DCAF13: variants seen among roughly 807,000 people sequenced by gnomAD.
DCAF13 encodes DDB1 and CUL4 associated factor 13.
DCAF13 carries 38 observed loss-of-function variants against 59.0 expected under a neutral mutation model. That is an observed-to-expected ratio of 0.64 (90% confidence interval 0.50 to 0.84). The LOEUF (loss-of-function observed/expected upper bound fraction) is 0.84, where lower values mean the gene tolerates loss of function less well. Ranked by LOEUF, DCAF13 falls within the 40% of genes least tolerant of loss-of-function variation. The pLI, the probability that DCAF13 is intolerant of heterozygous loss-of-function variation, is 0.00. For synonymous variants in DCAF13, 173 were observed against 175.0 expected, an observed-to-expected ratio of 0.99 and a Z score of 0.09; for missense variants, 469 against 558.4, an observed-to-expected ratio of 0.84 and a Z score of 1.61.
In DCAF13 at chr8:103,420,347, C is replaced by G. The variant is rs774270409; in HGVS notation, c.154C>G (p.Arg52Gly). 1.2e-6 allele frequency: 2 copies of G among 1,614,134 alleles called. No individual in the cohort carries two copies. Reference sequence around the variant, plus strand: ...AGCTTTAAATGCTACCAAACTGGAACGAGTATTTGCAAAACCATTCCTTGC... The same window carrying G: ...AGCTTTAAATGCTACCAAACTGGAAGGAGTATTTGCAAAACCATTCCTTGC... The part of the protein sequence containing the change: ...IRALNATKLE[R>G]VFAKPFLASL... The change falls in exon 2 of 11, where the codon CGA becomes GGA. Residue 52 changes from arginine (R) to glycine (G), a missense_variant. This residue lies in a region of DCAF13 where 355 missense variants were observed against 399.1 expected (regional missense o/e 0.89). Transcript: ENST00000612750.
intron 3 of DCAF13, among the ~76,000 whole-genome samples, chr8:103,424,311 G>A (rs1313228020): frequency 6.6e-6 from 1 of 152,248 alleles, no homozygotes; most frequent in Non-Finnish European, 1.5e-5. Context: ...ACAGGCGCGA[G>A]CCGCCATGCC....
intron 3 of DCAF13, among the ~76,000 whole-genome samples, chr8:103,423,573 CAA>C (rs1463302592): frequency 1.3e-5 from 2 of 152,008 alleles, no homozygotes; most frequent in Non-Finnish European, 2.9e-5. Flanking sequence ...TCAAAAGAGA[CAA>C]AATTTCAAAT....
At position 103,430,760 on chromosome 8, in the gene DCAF13, C is replaced by A. The variant is rs556474447; in HGVS notation, c.702+71C>A. The A allele has an allele frequency of 7.7e-6, 8 of 1,038,454 alleles. No individual in the cohort carries two copies. In the South Asian group the frequency reaches 9.5e-5, roughly 12 times the overall value. The allele number at this position is 1,038,454 out of a possible 1,614,324, so 64.3% of individuals were successfully genotyped here. Reference sequence around the variant, plus strand: ...ATTTCTCTGTAAATAGAGTGACTAACAATATGGAGCAAATATTTTCTCAGA... The same window carrying A: ...ATTTCTCTGTAAATAGAGTGACTAAAAATATGGAGCAAATATTTTCTCAGA... On this transcript the variant is annotated intron_variant, in intron 6 of 10. Coordinates refer to ENST00000612750, the MANE Select transcript of DCAF13 (RefSeq NM_015420.7).
intron 3 of DCAF13, among the ~76,000 whole-genome samples, chr8:103,422,658 A>T (rs951909062): frequency 6.6e-6 from 1 of 152,222 alleles, no homozygotes; most frequent in South Asian, 2.1e-4. Context: ...TTCTAACACT[A>T]TTAGTTTGGT....
intron 6 of DCAF13, 67 bp downstream of exon 6, chr8:103,430,756 C>A: frequency 8.9e-7 from 1 of 1,127,172 alleles, no homozygotes; most frequent in South Asian, 1.5e-5. Context: ...AATAGAGTGA[C>A]TAACAATATG....
intron 8 of DCAF13, 95 bp from the exon 9 acceptor site, chr8:103,440,041 G>A (rs887452241): frequency 2.1e-5 from 21 of 1,008,788 alleles, no homozygotes; most frequent in Admixed American, 1.1e-4. Context: ...TACTCCTATA[G>A]GACTCAGAAA....
chr8:103,438,616 G>T (rs1816964624), intron 8 of DCAF13, among the ~76,000 whole-genome samples: 1 of 151,938 alleles, frequency 6.6e-6, no homozygotes, highest in Non-Finnish European at 1.5e-5. Flanking sequence ...TGTTACTCAG[G>T]CTGGTCTCAA....
At chr8:103,441,337 C>T in intron 9 of DCAF13, 118 bp from the exon 10 acceptor site, 1 of 843,650 alleles carries the variant, frequency 1.2e-6, no homozygotes. Flanking sequence ...ATTACATTGG[C>T]AATTTTGGTT....
At chr8:103,424,627 A>G (rs1816766037) in intron 3 of DCAF13, among the ~76,000 whole-genome samples, 1 of 152,236 alleles carries the variant, frequency 6.6e-6, no homozygotes, top group African/African-American at 2.4e-5. Context: ...GTTTGTACTC[A>G]GTAGACGGCA....
At chr8:103,421,132 T>C in intron 3 of DCAF13, 50 bp downstream of exon 3, 1 of 1,225,576 alleles carries the variant, frequency 8.2e-7, no homozygotes, top group Non-Finnish European at 1.2e-6. Context: ...TAGGTAAGAA[T>C]AATCTAATTG....
Position 103,430,553 on chromosome 8 carries a change from TGGA to T in DCAF13, c.625-58_625-56del. On this transcript the variant is annotated intron_variant, in intron 5 of 10. Transcript: ENST00000612750. ...GCAATTAAATCATTTGTTTACTGAA[TGGA>T]TGTGGTTTGCTGCCAGGTCTGGCTT... 5 of 1,123,452 alleles carry T rather than the reference TGGA, an allele frequency of 4.5e-6. No individual in the cohort carries two copies. In the Admixed American group the frequency reaches 1.0e-4, roughly 23 times the overall value. The allele number at this position is 1,123,452 out of a possible 1,614,324, so 69.6% of individuals were successfully genotyped here.
At chr8:103,417,716 G>C (rs1383682334) in intron 1 of DCAF13, among the ~76,000 whole-genome samples, 1 of 151,616 alleles carries the variant, frequency 6.6e-6, no homozygotes, top group Non-Finnish European at 1.5e-5. Context: ...GAAGGGATCT[G>C]CTCAAAAACT....
At chr8:103,439,508 C>T (rs1220843447) in intron 8 of DCAF13, 3 of 151,484 alleles carry the variant, frequency 2.0e-5, no homozygotes, top group African/African-American at 4.9e-5. Flanking sequence ...CCTGCCTCAG[C>T]CTCCCTAGTA....
intron 1 of DCAF13, among the ~76,000 whole-genome samples, chr8:103,418,122 C>T (rs1816651231): frequency 1.3e-5 from 2 of 148,636 alleles, no homozygotes; most frequent in South Asian, 2.1e-4. Context: ...AGCAAGACTC[C>T]GTCTCAAAAA....
chr8:103,420,946 CT>C, intron 2 of DCAF13, 28 bp from the exon 3 acceptor site: 1 of 1,389,836 alleles, frequency 7.2e-7, no homozygotes, highest in South Asian at 1.2e-5. Flanking sequence ...TTATAGTTCA[CT>C]GAAATTTCCT....
rs1260055634 is a variant in DCAF13, at chr8:103,418,879, T to A, written c.71-1385T>A. ...ATATATATATATATTTTTTTTTTTT[T>A]TTTTTTTTTTTTTTTTTTTTTTGAG... On this transcript the variant is annotated intron_variant, in intron 1 of 10. Transcript: ENST00000612750. Among the ~76,000 whole-genome samples, 114 of 53,016 alleles carry A rather than the reference T, an allele frequency of 2.2e-3. 2 individuals are homozygous for A. Among genetic ancestry groups the A allele is most frequent in the East Asian group, 0.012 (20 of 1,702 alleles). The allele number at this position is 53,016 out of a possible 152,430, so 34.8% of individuals were successfully genotyped here. A position where few individuals can be genotyped will look rare whatever the true frequency, so the allele number is the denominator to read the frequency against.
chr8:103,428,275 C>G (rs886283910), intron 5 of DCAF13: 10 of 152,206 alleles, frequency 6.6e-5, no homozygotes, highest in Admixed American at 6.5e-4. Context: ...AGAGACGCTA[C>G]AGGTCTAGAA....
At chr8:103,430,236 C>T (rs1000742826) in intron 5 of DCAF13, 1 of 153,198 alleles carries the variant, frequency 6.5e-6, no homozygotes, top group African/African-American at 2.4e-5. Flanking sequence ...TCTAAAAATA[C>T]AAAATATTAG....
At position 103,443,166 on chromosome 8, in the gene DCAF13, A is replaced by G. The variant is rs1460801463; in HGVS notation, c.*284A>G. On this transcript the variant is annotated 3_prime_UTR_variant, in exon 11 of 11. Coordinates refer to ENST00000612750, the MANE Select transcript of DCAF13 (RefSeq NM_015420.7). ...GATATACTTACTTTCTCTTTGATCT[A>G]TTATTGTAGACACTATACATTCAAA... 4.4e-6 allele frequency: 1 copy of G among 228,132 alleles called. No homozygotes were observed. Among genetic ancestry groups the G allele is most frequent in the Non-Finnish European group, 8.5e-6 (1 of 117,238 alleles). The allele number at this position is 228,132 out of a possible 1,614,324, so 14.1% of individuals were successfully genotyped here. A position where few individuals can be genotyped will look rare whatever the true frequency, so the allele number is the denominator to read the frequency against.
Sources: gnomAD v4.1 joint callset for allele counts (sites outside exome capture counted in the v4.1 genomes callset) on GRCh38, gnomAD v4.1.1 for gene constraint, gnomAD v4.1.1 regional missense constraint, MANE v1.5 for transcripts, NCBI Gene and HGNC (gene_info 2026-07-23, HGNC 2026-07-21) for gene names.